Variants in CCDC141 observed in about 807,000 individuals in gnomAD.
The protein encoded by CCDC141 is coiled-coil domain-containing protein 141.
A neutral mutation model predicts 181.0 loss-of-function variants in CCDC141; 168 were observed. The ratio of observed to expected loss-of-function variants is 0.93; its 90% CI spans 0.82 to 1.05. The LOEUF is 1.05. Among genes scored for constraint, CCDC141 ranks in the 50% least tolerant of loss-of-function variants. CCDC141 has a pLI of 0.00. For missense variants in CCDC141, 1,902 were observed against 1,788.5 expected (o/e 1.06, Z -1.14); for synonymous variants, 666 against 642.3 (o/e 1.04, Z -0.56).
chr2:178,869,318 A>T lies in CCDC141; in HGVS notation c.2206-13T>A, dbSNP rs779588494. On this transcript the variant is annotated splice_polypyrimidine_tract_variant and intron_variant, in intron 14 of 23. Coordinates refer to ENST00000443758, the MANE Select transcript of CCDC141 (RefSeq NM_173648.4). The stretch of plus-strand genomic sequence containing the variant: ...CATCATTCAATTGCTAAAACATTGA[A>T]AGCAATAAAAAAATCTTGCTATTAA... The T allele has an allele frequency of 1.3e-6, 2 of 1,564,246 alleles. No homozygotes were observed. The highest frequency in any genetic ancestry group is 1.7e-6 in the Non-Finnish European group (2 of 1,161,924).
the CCDC141 span, among the ~76,000 whole-genome samples, chr2:178,823,475 A>G: frequency 1.3e-5 from 2 of 152,188 alleles, no homozygotes; most frequent in African/African-American, 2.4e-5. Flanking sequence ...TTGTTCCCGC[A>G]GTAATCATGT....
At chr2:178,871,335 C>A in intron 14 of CCDC141, 92 bp downstream of exon 14, 3 of 1,371,798 alleles carry the variant, frequency 2.2e-6, no homozygotes, top group Non-Finnish European at 3.0e-6. Context: ...AATAGAAATT[C>A]ACCAGCCTGT....
At chr2:179,015,372 C>CAT (rs200905397) in intron 2 of CCDC141, among the ~76,000 whole-genome samples, 2 of 126,642 alleles carry the variant, frequency 1.6e-5, no homozygotes, top group South Asian at 4.9e-4. Flanking sequence ...ATATATGTAT[C>CAT]ATATATATCT....
chr2:178,932,275 C>G (rs777339994), intron 6 of CCDC141, among the ~76,000 whole-genome samples: 7 of 152,138 alleles, frequency 4.6e-5, no homozygotes, highest in Non-Finnish European at 7.4e-5. Flanking sequence ...ACCCCTTTCA[C>G]AAAAAGGGAC....
intron 6 of CCDC141, among the ~76,000 whole-genome samples, chr2:178,931,489 C>T (rs1321527273): frequency 6.6e-6 from 1 of 152,040 alleles, no homozygotes; most frequent in Non-Finnish European, 1.5e-5. Context: ...ATTATTCAGC[C>T]ATAAAAAGGA....
intron 7 of CCDC141, among the ~76,000 whole-genome samples, chr2:178,913,242 G>A (rs1373022513): frequency 6.6e-6 from 1 of 152,180 alleles, no homozygotes; most frequent in Non-Finnish European, 1.5e-5. Context: ...AAGGGGAGTT[G>A]TTCTGAAAAA....
rs188290734 is a variant in CCDC141 at position 179,040,412 on chromosome 2, G to A, written c.225+6872C>T. ...TTTAAGTTTAGGGCTAAATGTGCAG[G>A]ATGGGCAGGTTTGTTACATAGGTAA... On this transcript the variant is annotated intron_variant, in intron 2 of 23. Coordinates refer to ENST00000443758, the MANE Select transcript of CCDC141 (RefSeq NM_173648.4). Among the ~76,000 whole-genome samples, 485 of 152,260 alleles carry A rather than the reference G, an allele frequency of 3.2e-3. 4 individuals are homozygous for A. The highest frequency in any genetic ancestry group is 0.011 in the African/African-American group (462 of 41,554).
chr2:178,860,030 C>G (rs1033709710), intron 17 of CCDC141, among the ~76,000 whole-genome samples: 6 of 152,160 alleles, frequency 3.9e-5, no homozygotes, highest in Admixed American at 2.0e-4. Context: ...AAAAAGAAAG[C>G]CTTTCCTTAG....
At chr2:179,010,854 C>T (rs1025801311) in intron 2 of CCDC141, among the ~76,000 whole-genome samples, 1 of 152,118 alleles carries the variant, frequency 6.6e-6, no homozygotes, top group Non-Finnish European at 1.5e-5. Context: ...TGCCTAAATG[C>T]TCCACTTAAA....
At chr2:179,015,074 A>AT (rs1472997549) in intron 2 of CCDC141, among the ~76,000 whole-genome samples, 1,844 of 34,312 alleles carry the variant, frequency 0.054, 173 homozygotes, top group African/African-American at 0.14. Flanking sequence ...AGAGATATAT[A>AT]TATATATATA....
chr2:179,001,060 C>T (rs1228348371), intron 2 of CCDC141, among the ~76,000 whole-genome samples: 1 of 152,110 alleles, frequency 6.6e-6, no homozygotes, highest in African/African-American at 2.4e-5. Flanking sequence ...CAGTGTTTCT[C>T]AATCTTGAGA....
intron 8 of CCDC141, among the ~76,000 whole-genome samples, chr2:178,900,033 G>A (rs1207468339): frequency 6.6e-6 from 1 of 152,050 alleles, no homozygotes; most frequent in African/African-American, 2.4e-5. Context: ...ATCCAAAAAT[G>A]TCCTTTGCCA....
intron 7 of CCDC141, among the ~76,000 whole-genome samples, chr2:178,910,625 G>A (rs1333192999): frequency 6.6e-6 from 1 of 152,134 alleles, no homozygotes; most frequent in Non-Finnish European, 1.5e-5. Context: ...CCTAATTCAG[G>A]TCCTCCCCAC....
At chr2:178,878,459 C>T (rs1294549150) in intron 11 of CCDC141, among the ~76,000 whole-genome samples, 1 of 149,148 alleles carries the variant, frequency 6.7e-6, no homozygotes, top group African/African-American at 2.5e-5. Context: ...CTATAGGCAC[C>T]CGGCACCAGG....
At position 178,989,615 on chromosome 2, in the gene CCDC141, AAT is replaced by A. The variant is rs1156292539; in HGVS notation, c.226-10942_226-10941del. On this transcript the variant is annotated intron_variant, in intron 2 of 23. Coordinates refer to ENST00000443758, the MANE Select transcript of CCDC141 (RefSeq NM_173648.4). ...CCTCAAAAAAAAAAAAAAATAAATAAATAAATAAATAAATAAATAAATAAATA... is the reference window on the plus strand; with the variant it reads ...CCTCAAAAAAAAAAAAAAATAAATAAAAATAAATAAATAAATAAATAAATA... Among the ~76,000 whole-genome samples, 46 of 147,996 alleles carry A rather than the reference AAT, an allele frequency of 3.1e-4. 2 individuals carry two copies. In the East Asian group the frequency reaches 8.0e-3, roughly 26 times the overall value.
intron 14 of CCDC141, among the ~76,000 whole-genome samples, chr2:178,870,079 A>G (rs1686043140): frequency 6.6e-6 from 1 of 151,998 alleles, no homozygotes; most frequent in South Asian, 2.1e-4. Context: ...CAAAAATACA[A>G]AAATTAGCTG....
intron 2 of CCDC141, among the ~76,000 whole-genome samples, chr2:178,981,435 C>A (rs930188463): frequency 6.6e-6 from 1 of 151,300 alleles, no homozygotes; most frequent in Non-Finnish European, 1.5e-5. Context: ...ATGTCAATAA[C>A]AGAAATATAG....
chr2:178,891,664 A>G (rs993780215), intron 8 of CCDC141, among the ~76,000 whole-genome samples: 9 of 152,172 alleles, frequency 5.9e-5, no homozygotes. Flanking sequence ...AGGTCCCTCC[A>G]GCACAAAAAA....
intron 2 of CCDC141, among the ~76,000 whole-genome samples, chr2:178,987,433 A>G (rs1302657732): frequency 1.3e-5 from 2 of 152,118 alleles, no homozygotes; most frequent in Non-Finnish European, 2.9e-5. Context: ...CTAAAACACC[A>G]AAAGCAATGG....
Sources: gnomAD v4.1 joint callset for allele counts (sites outside exome capture counted in the v4.1 genomes callset) on GRCh38, gnomAD v4.1.1 for gene constraint, MANE v1.5 for transcripts, NCBI Gene and HGNC (gene_info 2026-07-23, HGNC 2026-07-21) for gene names.